KCNIP4: variants seen among roughly 807,000 people sequenced by gnomAD.
KCNIP4 encodes potassium voltage-gated channel interacting protein 4.
In KCNIP4, 12 loss-of-function variants were observed where a neutral mutation model predicts 34.0. The observed-to-expected ratio is 0.35, with a 90% CI of 0.23 to 0.57. The LOEUF is 0.57. Ranked by LOEUF, KCNIP4 falls within the 20% of genes least tolerant of loss-of-function variation. KCNIP4 has a pLI of 0.83. For synonymous variants in KCNIP4, 124 were observed against 102.2 expected, an observed-to-expected ratio of 1.21 and a Z score of -1.29; for missense variants, 238 against 311.7, an observed-to-expected ratio of 0.76 and a Z score of 1.78.
intron 1 of KCNIP4, among the ~76,000 whole-genome samples, chr4:20,887,277 T>G (rs1184234869): frequency 4.0e-5 from 6 of 151,816 alleles, no homozygotes; most frequent in Admixed American, 3.3e-4. Flanking sequence ...AAGTCCAACA[T>G]AGGTATAATT....
intron 1 of KCNIP4, among the ~76,000 whole-genome samples, chr4:21,810,440 C>G (rs1026675051): frequency 1.1e-4 from 16 of 152,016 alleles, no homozygotes; most frequent in Admixed American, 9.2e-4. Context: ...CCTGTAATCC[C>G]AGCACATTGG....
chr4:21,112,069 CTATCATCTATAT>C (rs1322877856), intron 1 of KCNIP4, among the ~76,000 whole-genome samples: 1 of 141,762 alleles, frequency 7.1e-6, no homozygotes, highest in African/African-American at 2.6e-5. Flanking sequence ...ATCTATCTAT[CTATCATCTATAT>C]CATCTATCTA....
chr4:21,611,176 C>T (rs187979727), intron 1 of KCNIP4, among the ~76,000 whole-genome samples: 1,537 of 152,236 alleles, frequency 0.01, 17 homozygotes, highest in Non-Finnish European at 0.016. Flanking sequence ...GCATAGTATT[C>T]CATGGTGTAT....
chr4:20,906,339 C>T (rs1039866011), intron 1 of KCNIP4, among the ~76,000 whole-genome samples: 2 of 152,148 alleles, frequency 1.3e-5, no homozygotes, highest in Admixed American at 1.3e-4. Flanking sequence ...CTTACCCCGT[C>T]TGCACTGAAT....
chr4:21,272,973 T>C (rs539080780), intron 1 of KCNIP4, among the ~76,000 whole-genome samples: 96 of 152,306 alleles, frequency 6.3e-4, no homozygotes, highest in Non-Finnish European at 1.1e-3. Flanking sequence ...TTAGTGGCAA[T>C]AGACTTACTC....
At chr4:21,672,998 A>G (rs1420984635) in intron 1 of KCNIP4, among the ~76,000 whole-genome samples, 1 of 152,206 alleles carries the variant, frequency 6.6e-6, no homozygotes, top group Non-Finnish European at 1.5e-5. Flanking sequence ...TTAATGATCC[A>G]ATAGAAAAAG....
chr4:21,489,882 TATG>T (rs1560455508), intron 1 of KCNIP4, among the ~76,000 whole-genome samples: 1 of 152,058 alleles, frequency 6.6e-6, no homozygotes, highest in African/African-American at 2.4e-5. Context: ...TGAAAAAAAA[TATG>T]ATATCCCAAA....
At chr4:21,343,648 T>C (rs1448008870) in intron 1 of KCNIP4, among the ~76,000 whole-genome samples, 1 of 152,140 alleles carries the variant, frequency 6.6e-6, no homozygotes, top group Non-Finnish European at 1.5e-5. Flanking sequence ...TCAAATTTAT[T>C]GTCCATGAGA....
chr4:21,010,615 G>A (rs71607050), intron 1 of KCNIP4, among the ~76,000 whole-genome samples: 199 of 152,222 alleles, frequency 1.3e-3, no homozygotes, highest in Non-Finnish European at 2.2e-3. Flanking sequence ...TCTGCTTCAG[G>A]AACAAAACTG....
In KCNIP4 at chr4:21,690,617, C is replaced by T. The variant is rs532233959; in HGVS notation, c.61+257954G>A. ...ACCAGAAGCCAAGAAGATACTGGTG[C>T]AATACTTGTACAGCCTGCAGAACCG... is the stretch of plus-strand genomic sequence containing the variant. On this transcript the variant is annotated intron_variant, in intron 1 of 8. Coordinates refer to ENST00000382152, the MANE Select transcript of KCNIP4 (RefSeq NM_025221.6). Among the ~76,000 whole-genome samples the T allele has an allele frequency of 1.3e-3, 199 of 152,240 alleles. 7 individuals carry two copies. In the South Asian group the frequency reaches 0.036, roughly 28 times the overall value.
intron 3 of KCNIP4, among the ~76,000 whole-genome samples, chr4:20,768,582 C>T (rs1755614444): frequency 6.6e-6 from 1 of 152,160 alleles, no homozygotes; most frequent in Non-Finnish European, 1.5e-5. Context: ...GAACTCCTAG[C>T]AACTCATTTA....
At chr4:21,556,922 G>GAAAAAAAAAAAAAAAA (rs1253971751) in intron 1 of KCNIP4, among the ~76,000 whole-genome samples, 4 of 70,842 alleles carry the variant, frequency 5.6e-5, no homozygotes, top group Non-Finnish European at 1.1e-4. Flanking sequence ...CTCCATCTCA[G>GAAAAAAAAAAAAAAAA]AAAAAAAAAA....
intron 1 of KCNIP4, among the ~76,000 whole-genome samples, chr4:21,141,191 A>G (rs553171182): frequency 2.0e-5 from 3 of 152,366 alleles, no homozygotes; most frequent in Admixed American, 2.0e-4. Context: ...ATACTAAAAA[A>G]TGGTGACACA....
chr4:20,870,583 A>G (rs1487858132), intron 2 of KCNIP4, among the ~76,000 whole-genome samples: 1 of 152,036 alleles, frequency 6.6e-6, no homozygotes, highest in African/African-American at 2.4e-5. Context: ...CAGCTGCTTC[A>G]TTTTGCAGGC....
Position 20,962,587 on chromosome 4 carries a change from T to C in KCNIP4, c.62-79878A>G, listed in dbSNP as rs549694885. Among the ~76,000 whole-genome samples the C allele has an allele frequency of 6.4e-4, 97 of 152,316 alleles. 1 individual carries two copies. The highest frequency in any genetic ancestry group is 3.3e-3 in the Admixed American group (51 of 15,296). On this transcript the variant is annotated intron_variant, in intron 1 of 8. Coordinates refer to ENST00000382152, the MANE Select transcript of KCNIP4 (RefSeq NM_025221.6). ...TCACAGTACTAACATTGGGCATGGA[T>C]GGAAGCATTAAAACCAACAAGCCAG...
chr4:21,588,704 C>T (rs1741854811), intron 1 of KCNIP4, among the ~76,000 whole-genome samples: 1 of 151,912 alleles, frequency 6.6e-6, no homozygotes, highest in Admixed American at 6.6e-5. Context: ...AATAACAATA[C>T]ATTATACCCT....
chr4:21,640,517 C>A (rs2109231534), intron 1 of KCNIP4, among the ~76,000 whole-genome samples: 1 of 152,252 alleles, frequency 6.6e-6, no homozygotes, highest in East Asian at 1.9e-4. Flanking sequence ...ATCTCTTATT[C>A]TGCAGTACAG....
At chr4:21,829,646 T>C (rs1041208139) in intron 1 of KCNIP4, among the ~76,000 whole-genome samples, 3 of 151,938 alleles carry the variant, frequency 2.0e-5, no homozygotes, top group South Asian at 2.1e-4. Context: ...AAATGTTGTA[T>C]ATAAGCTTCA....
chr4:21,214,768 G>T (rs1259416075), intron 1 of KCNIP4, among the ~76,000 whole-genome samples: 4 of 152,050 alleles, frequency 2.6e-5, no homozygotes, highest in African/African-American at 7.2e-5. Context: ...CTTATTTCAG[G>T]ATGTTTTCTC....
Sources: allele counts gnomAD v4.1 joint callset (sites outside exome capture counted in the v4.1 genomes callset), GRCh38; gene constraint gnomAD v4.1.1; transcripts MANE v1.5; gene names NCBI Gene and HGNC (gene_info 2026-07-23, HGNC 2026-07-21).